Variants in FAM20B observed in about 807,000 individuals in gnomAD.
FAM20B encodes the protein FAM20B glycosaminoglycan xylosylkinase.
In FAM20B, 23 loss-of-function variants were observed where a neutral mutation model predicts 43.8. That is an observed-to-expected ratio of 0.53 (90% CI 0.38 to 0.74). The LOEUF is 0.74. FAM20B is among the 30% of genes least tolerant of loss of function. The probability of loss-of-function intolerance (pLI) is 0.00; values close to 1 mark genes in which losing one functional copy is unlikely to be tolerated. For synonymous variants in FAM20B, 178 were observed against 192.4 expected (o/e 0.93, Z 0.62); for missense variants, 440 against 510.5 (o/e 0.86, Z 1.33).
At chr1:179,029,785 A>G (rs1450449069) in intron 1 of FAM20B, among the ~76,000 whole-genome samples, 2 of 152,236 alleles carry the variant, frequency 1.3e-5, no homozygotes, top group Non-Finnish European at 2.9e-5. Flanking sequence ...TATACATAGC[A>G]ATGCCTCATT....
intron 4 of FAM20B, among the ~76,000 whole-genome samples, chr1:179,063,242 A>G (rs372786951): frequency 3.9e-5 from 6 of 152,014 alleles, no homozygotes; most frequent in Admixed American, 2.6e-4. Flanking sequence ...TTGCCACTGC[A>G]CTCTAGCCTG....
In FAM20B at chr1:179,060,004, GA is replaced by G. The variant is rs572819637; in HGVS notation, c.575-3918del. On this transcript the variant is annotated intron_variant, in intron 4 of 7. Transcript: ENST00000263733. ...AAAAAAAAATTCTGTGAAATTCAATGAAAAATTTTCTCGTCTGTCTAGTTCC... is the reference window on the plus strand; with the variant it reads ...AAAAAAAAATTCTGTGAAATTCAATGAAAATTTTCTCGTCTGTCTAGTTCC... Among the ~76,000 whole-genome samples the G allele has an allele frequency of 3.3e-5, 5 of 151,200 alleles. No homozygotes were observed. In the South Asian group the frequency reaches 8.4e-4, roughly 25 times the overall value.
chr1:179,072,511 T>C lies in FAM20B; in HGVS notation c.*367T>C, dbSNP rs1235989532. The C allele has an allele frequency of 5.1e-6, 1 of 194,534 alleles. No individual in the cohort carries two copies. Among genetic ancestry groups the C allele is most frequent in the African/African-American group, 2.3e-5 (1 of 42,898 alleles). The allele number at this position is 194,534 out of a possible 1,614,324, so 12.1% of individuals were successfully genotyped here. On this transcript the variant is annotated 3_prime_UTR_variant, in exon 8 of 8. Transcript: ENST00000263733. ...TTTTGAGTTGAACCTTGCAGTCCTT[T>C]CTCTACGCCCGTGGATTTTGTGGAA...
intron 2 of FAM20B, among the ~76,000 whole-genome samples, chr1:179,045,912 CAA>C (rs748722949): frequency 6.7e-6 from 1 of 149,214 alleles, no homozygotes; most frequent in Admixed American, 6.7e-5. Flanking sequence ...AACCAAAAAA[CAA>C]AAAAAAACCG....
upstream of FAM20B, among the ~76,000 whole-genome samples, chr1:179,020,940 G>A (rs977178636): frequency 2.6e-5 from 4 of 152,150 alleles, no homozygotes; most frequent in South Asian, 4.1e-4. Flanking sequence ...GCATGGTGGC[G>A]CACGCCTGTA....
At chr1:179,065,252 G>A (rs1557878993) in intron 6 of FAM20B, among the ~76,000 whole-genome samples, 1 of 151,972 alleles carries the variant, frequency 6.6e-6, no homozygotes, top group Non-Finnish European at 1.5e-5. Flanking sequence ...CTGGGTTCAA[G>A]CGATTCTCCA....
chr1:179,026,333 C>T (rs1159102863), intron 1 of FAM20B, among the ~76,000 whole-genome samples: 1 of 151,836 alleles, frequency 6.6e-6, no homozygotes, highest in African/African-American at 2.4e-5. Context: ...CCCGCTCGGG[C>T]CGCGTGTCCC....
intron 4 of FAM20B, among the ~76,000 whole-genome samples, chr1:179,061,371 G>A (rs1318590529): frequency 6.6e-6 from 1 of 150,392 alleles, no homozygotes; most frequent in Non-Finnish European, 1.5e-5. Context: ...TTTTTGAAAT[G>A]CTCTCTCTCA....
intron 6 of FAM20B, 63 bp from the exon 7 acceptor site, chr1:179,066,737 C>G: frequency 8.9e-7 from 1 of 1,122,364 alleles, no homozygotes; most frequent in Non-Finnish European, 1.4e-6. Flanking sequence ...TTTGCTATTG[C>G]TTTGATGCTA....
chr1:179,054,631 A>G lies in FAM20B; in HGVS notation c.567A>G (p.Leu189=). The part of the protein sequence containing the change: ...VATEQLLSTF[L]TVGNNTCFYG... ...CAGAGCAGCTGTTGAGCACCTTCCT[A>G]ACTGTAGGTAAGAAGATTGTAGAGG... The change falls in exon 4 of 8, where the codon CTA becomes CTG. Residue 189 remains leucine, a synonymous_variant. Coordinates refer to ENST00000263733, the MANE Select transcript of FAM20B (RefSeq NM_014864.4). 1 of 1,593,320 alleles carries G rather than the reference A, an allele frequency of 6.3e-7. No individual in the cohort carries two copies.
chr1:179,029,435 C>A (rs1306691522), intron 1 of FAM20B, among the ~76,000 whole-genome samples: 2 of 152,214 alleles, frequency 1.3e-5, no homozygotes, highest in Non-Finnish European at 2.9e-5. Flanking sequence ...ATGCAAAGAT[C>A]TCACTTCTGA....
chr1:179,058,300 C>T (rs1651312075), intron 4 of FAM20B, among the ~76,000 whole-genome samples: 1 of 152,132 alleles, frequency 6.6e-6, no homozygotes, highest in Admixed American at 6.5e-5. Flanking sequence ...GAGACAAAGT[C>T]ACATGTAATA....
intron 1 of FAM20B, among the ~76,000 whole-genome samples, chr1:179,037,737 TCG>T: frequency 6.6e-6 from 1 of 152,078 alleles, no homozygotes; most frequent in Non-Finnish European, 1.5e-5. Flanking sequence ...TCTGCCTGCC[TCG>T]GCCTCCCAAA....
intron 4 of FAM20B, among the ~76,000 whole-genome samples, chr1:179,060,100 TA>T (rs1239130862): frequency 4.4e-4 from 32 of 72,776 alleles, no homozygotes; most frequent in Admixed American, 6.1e-4. Flanking sequence ...AATATATATA[TA>T]TTTTTTTATT....
chr1:179,068,516 G>T (rs2102526599), intron 7 of FAM20B, among the ~76,000 whole-genome samples: 1 of 151,872 alleles, frequency 6.6e-6, no homozygotes, highest in South Asian at 2.1e-4. Flanking sequence ...GCTCACTGCA[G>T]CCTCCACCTC....
chr1:179,072,042 C>A lies in FAM20B; in HGVS notation c.1128C>A (p.Asp376Glu), dbSNP rs745354379. The A allele has an allele frequency of 1.9e-6, 3 of 1,614,194 alleles. No homozygotes were observed. In the Admixed American group the frequency reaches 5.0e-5, roughly 27 times the overall value. The change falls in exon 8 of 8, where the codon GAC becomes GAA. Residue 376 changes from aspartate (D) to glutamate (E), a missense_variant. By Grantham distance (45) the Asp-to-Glu change is conservative. Coordinates refer to ENST00000263733, the MANE Select transcript of FAM20B (RefSeq NM_014864.4). ...CTGATCCTCATCTGGACGCCGTGGA[C>A]CAGCGGCTCCTGAGTGTCCTGGCCA... ...VLSDPHLDAV[D>E]QRLLSVLATV... is the part of the protein sequence containing the mutation.
At chr1:179,070,693 T>G (rs933716185) in intron 7 of FAM20B, among the ~76,000 whole-genome samples, 2 of 151,582 alleles carry the variant, frequency 1.3e-5, no homozygotes, top group African/African-American at 4.8e-5. Context: ...CCCAGCTAAT[T>G]TTTGTATTTT....
chr1:179,037,269 G>A (rs749363548), intron 1 of FAM20B, among the ~76,000 whole-genome samples: 5 of 152,036 alleles, frequency 3.3e-5, no homozygotes, highest in African/African-American at 4.8e-5. Flanking sequence ...AATGAAAGAC[G>A]GCTGTAAAGA....
chr1:179,063,536 TGAG>T (rs1463428221), intron 4 of FAM20B, among the ~76,000 whole-genome samples: 3 of 151,840 alleles, frequency 2.0e-5, no homozygotes, highest in Non-Finnish European at 4.4e-5. Flanking sequence ...TGCAGTGAGC[TGAG>T]ATCACGCCAC....
Sources: allele counts gnomAD v4.1 joint callset (sites outside exome capture counted in the v4.1 genomes callset), GRCh38; gene constraint gnomAD v4.1.1; transcripts MANE v1.5; gene names NCBI Gene and HGNC (gene_info 2026-07-23, HGNC 2026-07-21).